MCM9: variants seen among roughly 807,000 people sequenced by gnomAD.
MCM9 encodes minichromosome maintenance 9 homologous recombination repair factor.
MCM9 carries 55 observed loss-of-function variants against 72.8 expected under a neutral mutation model. The observed-to-expected ratio is 0.76, with a 90% confidence interval of 0.61 to 0.95. MCM9 has a LOEUF of 0.95. Ranked by LOEUF, MCM9 falls within the 40% of genes least tolerant of loss-of-function variation. MCM9 has a pLI of 0.00. For missense variants in MCM9, 1,279 were observed against 1,377.0 expected (o/e 0.93, Z 1.13); for synonymous variants, 480 against 503.4 (o/e 0.95, Z 0.62).
chr6:118,891,600 C>T (rs1248512186), intron 8 of MCM9, among the ~76,000 whole-genome samples: 1 of 152,074 alleles, frequency 6.6e-6, no homozygotes, highest in Non-Finnish European at 1.5e-5. Context: ...TAAATTTCCC[C>T]TTGTGAGGAC....
chr6:118,871,033 A>G (rs1190738968), intron 8 of MCM9, among the ~76,000 whole-genome samples: 1 of 152,188 alleles, frequency 6.6e-6, no homozygotes, highest in Non-Finnish European at 1.5e-5. Flanking sequence ...ATAAAGAAGA[A>G]TTAATACCAA....
rs147795021 is a variant in MCM9 at position 118,871,605 on chromosome 6, T to C, written c.1151-15060A>G. Among the ~76,000 whole-genome samples, 70 of 152,302 alleles carry C rather than the reference T, an allele frequency of 4.6e-4. 1 individual carries two copies. The highest frequency in any genetic ancestry group is 1.6e-3 in the African/African-American group (68 of 41,572). On this transcript the variant is annotated intron_variant, in intron 8 of 13. Transcript: ENST00000619706. ...CCACTCTCGTCACTCCTGTTCAACA[T>C]AGTATTACAATAGCATCAAAAATAA...
At chr6:118,911,610 G>A in intron 8 of MCM9, 40 bp downstream of exon 8, 1 of 1,583,452 alleles carries the variant, frequency 6.3e-7, no homozygotes. Flanking sequence ...GTTAACTTCT[G>A]AAGTAATGTT....
At chr6:118,859,826 C>A (rs1211509955) in intron 8 of MCM9, among the ~76,000 whole-genome samples, 1 of 152,166 alleles carries the variant, frequency 6.6e-6, no homozygotes, top group Non-Finnish European at 1.5e-5. Flanking sequence ...TTACCAGAGC[C>A]TTATCTACCT....
chr6:118,856,316 C>A, intron 9 of MCM9, 55 bp downstream of exon 9: 2 of 1,473,222 alleles, frequency 1.4e-6, no homozygotes, highest in Non-Finnish European at 9.0e-7. Flanking sequence ...ACATTTTCCC[C>A]TAAGCATATA....
intron 8 of MCM9, among the ~76,000 whole-genome samples, chr6:118,903,125 A>T (rs1474893032): frequency 6.6e-6 from 1 of 152,242 alleles, no homozygotes. Context: ...TAAAACAGAA[A>T]CATGCCTAGA....
In MCM9 at chr6:118,815,169, A is replaced by G. The variant is rs1040314527; in HGVS notation, c.3087T>C (p.Ala1029=). 1 of 1,550,512 alleles carries G rather than the reference A, an allele frequency of 6.4e-7. No individual in the cohort carries two copies. Among genetic ancestry groups the G allele is most frequent in the Non-Finnish European group, 8.7e-7 (1 of 1,146,968 alleles). ...TTTTGTCTCCCTCACAAGTAAGATG[A>G]GCACACCCAGTCTCGTTCCCAAGCT... ...ELELGNETGC[A]HLTCEGDKKE... is the part of the protein sequence containing the mutation. Residue 1029 remains alanine (A), a synonymous_variant, in exon 14 of 14, where the codon GCT becomes GCC. Transcript: ENST00000619706.
chr6:118,834,221 T>C (rs996375742), intron 9 of MCM9, among the ~76,000 whole-genome samples: 6 of 152,230 alleles, frequency 3.9e-5, no homozygotes, highest in Non-Finnish European at 8.8e-5. Context: ...TAGTATTCCG[T>C]GGTATATATG....
In MCM9 at chr6:118,815,914, G is replaced by C. The variant is rs949157835; in HGVS notation, c.2342C>G (p.Ser781Cys). The C allele has an allele frequency of 1.9e-5, 29 of 1,547,430 alleles. No homozygotes were observed. Among genetic ancestry groups the C allele is most frequent in the Non-Finnish European group, 2.4e-5 (27 of 1,146,946 alleles). ...TGGCTCACTCTTCTCCTTACCCTGA[G>C]ATGTGCTGTTAGAGATCTTCGAAGC... The part of the protein sequence containing the change: ...NMASKISNST[S>C]QGKEKSEPGQ... Residue 781 changes from serine to cysteine, a missense_variant, in exon 14 of 14, where the codon TCT (serine) becomes TGT (cysteine). Transcript: ENST00000619706.
At chr6:118,903,907 G>A (rs866867009) in intron 8 of MCM9, among the ~76,000 whole-genome samples, 7 of 152,268 alleles carry the variant, frequency 4.6e-5, no homozygotes, top group African/African-American at 1.2e-4. Context: ...TTATCACCAC[G>A]TTTTAAAGAA....
At chr6:118,905,818 A>T in intron 8 of MCM9, 1 of 1,600,032 alleles carries the variant, frequency 6.2e-7, no homozygotes, top group Non-Finnish European at 8.5e-7. Flanking sequence ...GTAAAACCAG[A>T]CTTTTCTAAG....
intron 8 of MCM9, chr6:118,907,326 T>C: frequency 9.3e-7 from 1 of 1,077,038 alleles, no homozygotes; most frequent in Non-Finnish European, 1.4e-6. Flanking sequence ...ATGAACCATT[T>C]TATTAAGCTT....
At chr6:118,872,504 C>T (rs1360266486) in intron 8 of MCM9, among the ~76,000 whole-genome samples, 1 of 151,994 alleles carries the variant, frequency 6.6e-6, no homozygotes, top group East Asian at 1.9e-4. Flanking sequence ...CTCAGCTACT[C>T]AGGAGGCTGA....
At chr6:118,823,298 C>A (rs1251057880) in intron 13 of MCM9, among the ~76,000 whole-genome samples, 2 of 152,154 alleles carry the variant, frequency 1.3e-5, no homozygotes, top group Non-Finnish European at 2.9e-5. Context: ...AGCGTAGTAT[C>A]CAGGCCAGGT....
intron 8 of MCM9, among the ~76,000 whole-genome samples, chr6:118,861,129 G>A (rs1776875735): frequency 6.6e-6 from 1 of 152,202 alleles, no homozygotes; most frequent in Non-Finnish European, 1.5e-5. Context: ...CAGCTGTGGT[G>A]GAGCGGGCAG....
intron 8 of MCM9, among the ~76,000 whole-genome samples, chr6:118,876,513 A>C (rs1295235197): frequency 6.6e-6 from 1 of 152,192 alleles, no homozygotes; most frequent in Non-Finnish European, 1.5e-5. Context: ...GTTTCTGTTC[A>C]GCTTTGTTGT....
In MCM9 at chr6:118,826,180, C is replaced by T. The variant is rs778917914; in HGVS notation, c.1928G>A (p.Ser643Asn). Residue 643 changes from serine to asparagine, a missense_variant, in exon 13 of 14, where the codon AGC becomes AAC. Ser to Asn is a conservative substitution (Grantham distance 46). Coordinates refer to ENST00000619706, the MANE Select transcript of MCM9 (RefSeq NM_017696.3). Reference protein sequence around the residue: ...ELILEKLELQSLLSEELRRLE... With the variant: ...ELILEKLELQNLLSEELRRLE... ...TCTTCTAAGCTCTTCACTCAAGAGG[C>T]TCTGCAGCTCTAGCTTTTCCAGAAT... The T allele has an allele frequency of 8.4e-6, 13 of 1,550,372 alleles. No individual in the cohort carries two copies. In the African/African-American group the frequency reaches 1.8e-4, roughly 21 times the overall value.
Position 118,930,133 on chromosome 6 carries a change from C to T in MCM9, c.304+1287G>A, listed in dbSNP as rs890247030. 8.1e-5 allele frequency among the ~76,000 whole-genome samples: 12 copies of T among 147,498 alleles called. 1 individual carries two copies. In the South Asian group the frequency reaches 1.1e-3, roughly 13 times the overall value. On this transcript the variant is annotated intron_variant, in intron 3 of 13. Coordinates refer to ENST00000619706, the MANE Select transcript of MCM9 (RefSeq NM_017696.3). ...TTTTATTTTATTTTATTTTTTGAGA[C>T]GGAGTCTCGCTCTGTTGCCCAGGCT...
intron 8 of MCM9, among the ~76,000 whole-genome samples, chr6:118,862,965 C>T (rs1308760735): frequency 1.3e-5 from 2 of 151,990 alleles, no homozygotes; most frequent in Non-Finnish European, 2.9e-5. Flanking sequence ...ACTAGTAGAC[C>T]TGCCTTGCAA....
Sources: allele counts gnomAD v4.1 joint callset (sites outside exome capture counted in the v4.1 genomes callset), GRCh38; gene constraint gnomAD v4.1.1; transcripts MANE v1.5; gene names NCBI Gene and HGNC (gene_info 2026-07-23, HGNC 2026-07-21).